The following MOB4 variants were observed in gnomAD, a reference collection of about 807,000 sequenced individuals.
The protein encoded by MOB4 is MOB family member 4, phocein, also known as MOB-like protein phocein.
In MOB4, 4 loss-of-function variants were observed where a neutral mutation model predicts 32.2. The observed-to-expected ratio is 0.12, with a 90% CI of 0.06 to 0.28. The LOEUF is 0.28. Among genes scored for constraint, MOB4 ranks in the 10% least tolerant of loss-of-function variants. MOB4 has a pLI of 1.00. For synonymous variants in MOB4, 88 were observed against 88.1 expected (o/e 1.00, Z 0.01); for missense variants, 158 against 271.2 (o/e 0.58, Z 2.93).
At chr2:197,538,832 A>T (rs778378067) in intron 3 of MOB4, among the ~76,000 whole-genome samples, 18 of 152,244 alleles carry the variant, frequency 1.2e-4, no homozygotes, top group Non-Finnish European at 2.4e-4. Flanking sequence ...CATGCAGTCT[A>T]CTTGATAGGG....
chr2:197,518,843 C>T (rs1366899098), intron 1 of MOB4, among the ~76,000 whole-genome samples: 1 of 152,168 alleles, frequency 6.6e-6, no homozygotes, highest in Non-Finnish European at 1.5e-5. Flanking sequence ...GCAAGTTCCA[C>T]GTCCCGGGTT....
In MOB4 at chr2:197,540,171, T is replaced by C; in HGVS notation, c.267+18T>C. The C allele has an allele frequency of 1.9e-6, 3 of 1,602,454 alleles. No homozygotes were observed. Among genetic ancestry groups the C allele is most frequent in the Non-Finnish European group, 2.6e-6 (3 of 1,174,386 alleles). On this transcript the variant is annotated intron_variant, in intron 4 of 7. Coordinates refer to ENST00000323303, the MANE Select transcript of MOB4 (RefSeq NM_015387.5). ...AACTTCAGGTAATATTTTCTTTAAG[T>C]CAAAGTTATAATTGAAAGTTCTGAT...
rs755853637 is a variant in MOB4, at chr2:197,535,656, T to C, written c.224+26T>C. ...GTAGGACCTTACATCAAAATACTAATAGTACCTCTCACAAAACTAGCTTTC... is the reference window on the plus strand; with the variant it reads ...GTAGGACCTTACATCAAAATACTAACAGTACCTCTCACAAAACTAGCTTTC... On this transcript the variant is annotated intron_variant, in intron 3 of 7. Transcript: ENST00000323303. The C allele has an allele frequency of 1.9e-6, 3 of 1,585,018 alleles. No homozygotes were observed. The South Asian group carries it at 3.5e-5, about 19-fold the overall frequency.
chr2:197,524,017 A>G (rs55729852), intron 2 of MOB4, among the ~76,000 whole-genome samples: 3,371 of 152,292 alleles, frequency 0.022, 51 homozygotes, highest in Non-Finnish European at 0.035. Context: ...TGGGAGGCCA[A>G]TCACTTGAGG....
At position 197,528,649 on chromosome 2, in the gene MOB4, A is replaced by G. The variant is rs746938725; in HGVS notation, c.123+4963A>G. Reference sequence around the variant, plus strand: ...TTTTTTTTTTGAGACGGAGTCTCACACTGTCTCCCAGGCTGGAGTGCAGTG... The same window carrying G: ...TTTTTTTTTTGAGACGGAGTCTCACGCTGTCTCCCAGGCTGGAGTGCAGTG... On this transcript the variant is annotated intron_variant, in intron 2 of 7. Transcript: ENST00000323303. Among the ~76,000 whole-genome samples, 179 of 136,072 alleles carry G rather than the reference A, an allele frequency of 1.3e-3. 2 individuals carry two copies. Among genetic ancestry groups the G allele is most frequent in the Non-Finnish European group, 1.1e-3 (71 of 65,234 alleles). The allele number at this position is 136,072 out of a possible 152,430, so 89.3% of individuals were successfully genotyped here.
intron 3 of MOB4, among the ~76,000 whole-genome samples, chr2:197,538,704 AC>A (rs1418628843): frequency 6.6e-6 from 1 of 152,182 alleles, no homozygotes; most frequent in East Asian, 1.9e-4. Context: ...CACAGATTAT[AC>A]CCACAGCCCT....
chr2:197,549,309 G>C (rs1574656734), intron 6 of MOB4, among the ~76,000 whole-genome samples: 1 of 152,174 alleles, frequency 6.6e-6, no homozygotes, highest in African/African-American at 2.4e-5. Flanking sequence ...TGAGAAGTCT[G>C]TACATGTAAT....
chr2:197,520,785 T>C (rs975220456), intron 1 of MOB4, among the ~76,000 whole-genome samples: 5 of 151,220 alleles, frequency 3.3e-5, no homozygotes, highest in African/African-American at 1.2e-4. Context: ...AAGCTGGGCA[T>C]GGTGGCTCAT....
intron 5 of MOB4, among the ~76,000 whole-genome samples, chr2:197,543,048 T>A (rs2086925090): frequency 6.6e-6 from 1 of 152,068 alleles, no homozygotes; most frequent in Admixed American, 6.5e-5. Context: ...TCCCAGCACT[T>A]TGGGAGGCCG....
Position 197,552,428 on chromosome 2 carries a change from ATTTTC to A in MOB4, c.*1785_*1789del, listed in dbSNP as rs907789341. The A allele has an allele frequency of 2.6e-5, 4 of 152,164 alleles. No individual in the cohort carries two copies. Among genetic ancestry groups the A allele is most frequent in the African/African-American group, 9.7e-5 (4 of 41,400 alleles). 9.4% of individuals were successfully genotyped at this position (152,164 alleles called of 1,614,324 possible). On this transcript the variant is annotated 3_prime_UTR_variant, in exon 8 of 8. Coordinates refer to ENST00000323303, the MANE Select transcript of MOB4 (RefSeq NM_015387.5). ...CACAATGGATTTCTGTTGCTTGACT[ATTTTC>A]TTAGTGAATATTTATACTAAGGTAG...
chr2:197,552,342 CTA>C lies in MOB4; in HGVS notation c.*1697_*1698del, dbSNP rs1292837266. 1.3e-5 allele frequency: 2 copies of C among 152,416 alleles called. No individual in the cohort carries two copies. Among genetic ancestry groups the C allele is most frequent in the Non-Finnish European group, 2.9e-5 (2 of 68,020 alleles). 9.4% of individuals were successfully genotyped at this position (152,416 alleles called of 1,614,324 possible). A position where few individuals can be genotyped will look rare whatever the true frequency, so the allele number is the denominator to read the frequency against. On this transcript the variant is annotated 3_prime_UTR_variant, in exon 8 of 8. Coordinates refer to ENST00000323303, the MANE Select transcript of MOB4 (RefSeq NM_015387.5). ...TTTAAACTTGCTAAATATTGAGAAA[CTA>C]AACTACTAAGTTAATAAATTATATA...
rs538068473 is a variant in MOB4 at position 197,526,122 on chromosome 2, G to T, written c.123+2436G>T. ...CATCTTTGTCTTCTTCCTGATCTTA[G>T]AGGAGAGCTTTTAGTTTTTCACTGT... On this transcript the variant is annotated intron_variant, in intron 2 of 7. Transcript: ENST00000323303. Among the ~76,000 whole-genome samples the T allele has an allele frequency of 9.2e-5, 14 of 152,268 alleles. No individual in the cohort carries two copies. The South Asian group carries it at 2.7e-3, about 29-fold the overall frequency.
At chr2:197,534,708 A>G (rs2086768082) in intron 2 of MOB4, among the ~76,000 whole-genome samples, 1 of 152,040 alleles carries the variant, frequency 6.6e-6, no homozygotes, top group Non-Finnish European at 1.5e-5. Flanking sequence ...ACGCCTGGCT[A>G]ATTTTTTTGT....
chr2:197,536,494 TG>T (rs1398182540), intron 3 of MOB4, among the ~76,000 whole-genome samples: 1 of 151,918 alleles, frequency 6.6e-6, no homozygotes, highest in East Asian at 1.9e-4. Context: ...CATGCCAGCC[TG>T]GGTTTTATTC....
intron 3 of MOB4, among the ~76,000 whole-genome samples, chr2:197,537,814 T>C (rs926034683): frequency 1.3e-5 from 2 of 152,140 alleles, no homozygotes; most frequent in African/African-American, 4.8e-5. Context: ...CGAGTCTCGC[T>C]TTGTCACCAG....
intron 2 of MOB4, among the ~76,000 whole-genome samples, chr2:197,531,338 C>T (rs2086700868): frequency 6.6e-6 from 1 of 152,022 alleles, no homozygotes; most frequent in Non-Finnish European, 1.5e-5. Context: ...GCCACTGCGC[C>T]CGGCCTCATT....
chr2:197,535,747 A>G (rs547028578), intron 3 of MOB4, 117 bp downstream of exon 3: 3 of 1,165,816 alleles, frequency 2.6e-6, no homozygotes, highest in East Asian at 2.5e-5. Flanking sequence ...CCAAATTTTA[A>G]AGCTTTGGCA....
intron 1 of MOB4, chr2:197,516,360 G>A: frequency 7.0e-7 from 1 of 1,421,694 alleles, no homozygotes; most frequent in Non-Finnish European, 9.2e-7. Flanking sequence ...CCAGGGGTAG[G>A]CGTGAGGGGC....
intron 2 of MOB4, among the ~76,000 whole-genome samples, 164 bp from the exon 3 acceptor site, chr2:197,535,366 T>G (rs2086780377): frequency 6.6e-6 from 1 of 152,202 alleles, no homozygotes; most frequent in South Asian, 2.1e-4. Flanking sequence ...GTAACCTACT[T>G]TTTTTCTTAG....
Sources: gnomAD v4.1 joint callset for allele counts (sites outside exome capture counted in the v4.1 genomes callset) on GRCh38, gnomAD v4.1.1 for gene constraint, MANE v1.5 for transcripts, NCBI Gene and HGNC (gene_info 2026-07-23, HGNC 2026-07-21) for gene names.